Variants in LTA4H observed in about 807,000 individuals in gnomAD.
LTA4H encodes leukotriene A4 hydrolase, also known as leukotriene A-4 hydrolase.
A neutral mutation model predicts 89.8 loss-of-function variants in LTA4H; 59 were observed. That is an observed-to-expected ratio of 0.66 (90% CI 0.53 to 0.82). The LOEUF (loss-of-function observed/expected upper bound fraction) is 0.82, where lower values mean the gene tolerates loss of function less well. Ranked by LOEUF, LTA4H falls within the 40% of genes least tolerant of loss-of-function variation. LTA4H has a pLI of 0.00. For missense variants in LTA4H, 617 were observed against 727.0 expected (o/e 0.85, Z 1.74); for synonymous variants, 227 against 253.1 (o/e 0.90, Z 0.98).
At chr12:96,032,284 C>A (rs574154718) in intron 1 of LTA4H, among the ~76,000 whole-genome samples, 1 of 152,360 alleles carries the variant, frequency 6.6e-6, no homozygotes, top group Admixed American at 6.5e-5. Flanking sequence ...CTCAACATCA[C>A]AAACTCTAAG....
rs148461813 is a variant in LTA4H, at chr12:96,013,352, C to T, written c.1309-94G>A. ...TAAGTCCTTAGATATATAATTTTGT[C>T]TAATCTGCTATATCAAGATAATTTC... On this transcript the variant is annotated intron_variant, in intron 13 of 18. Coordinates refer to ENST00000228740, the MANE Select transcript of LTA4H (RefSeq NM_000895.3). The T allele has an allele frequency of 1.4e-3, 979 of 701,608 alleles. 3 individuals are homozygous for T. In the African/African-American group the frequency reaches 0.014, roughly 10 times the overall value. 43.5% of individuals were successfully genotyped at this position (701,608 alleles called of 1,614,324 possible).
chr12:96,041,136 T>A (rs1950683509), intron 1 of LTA4H, among the ~76,000 whole-genome samples: 3 of 152,004 alleles, frequency 2.0e-5, no homozygotes, highest in Non-Finnish European at 4.4e-5. Flanking sequence ...CTTTGGCAAA[T>A]TTTTTTTAAA....
chr12:96,015,108 T>A, intron 11 of LTA4H, 109 bp from the exon 12 acceptor site: 1 of 991,400 alleles, frequency 1.0e-6, no homozygotes, highest in Non-Finnish European at 1.5e-6. Context: ...TTTAGGGGAA[T>A]CTAAAACTTG....
rs957778519 is a variant in LTA4H, at chr12:96,028,581, GTTACTGTAAGGAT to G, written c.290+461_290+473del. On this transcript the variant is annotated intron_variant, in intron 2 of 18. Coordinates refer to ENST00000228740, the MANE Select transcript of LTA4H (RefSeq NM_000895.3). ...TTTAAGTGTAGATTATACCAGCAGG[GTTACTGTAAGGAT>G]TAGATACAAGAATGCATTTAAAGCA... Among the ~76,000 whole-genome samples the G allele has an allele frequency of 9.2e-5, 14 of 152,106 alleles. 1 individual carries two copies. Among genetic ancestry groups the G allele is most frequent in the Admixed American group, 6.5e-4 (10 of 15,276 alleles).
upstream of LTA4H, among the ~76,000 whole-genome samples, chr12:96,037,624 A>G (rs1209376750): frequency 6.6e-6 from 1 of 151,988 alleles, no homozygotes; most frequent in East Asian, 1.9e-4. Context: ...AACCACTGTC[A>G]AGTTGCTTGG....
At chr12:96,005,846 C>G (rs1416352681) in intron 16 of LTA4H, among the ~76,000 whole-genome samples, 1 of 152,030 alleles carries the variant, frequency 6.6e-6, no homozygotes, top group Non-Finnish European at 1.5e-5. Context: ...CCTCCCAGTC[C>G]AAGTGATTCT....
chr12:96,014,858 G>A lies in LTA4H; in HGVS notation c.1201C>T (p.Pro401Ser). Reference sequence around the variant, plus strand: ...TCATAAAATACCAACTACTTACCTGGTCCTCCAAGCAGTTGTTCAAGGTAA... The same window carrying A: ...TCATAAAATACCAACTACTTACCTGATCCTCCAAGCAGTTGTTCAAGGTAA... ...LFYLEQLLGG[P>S]EIFLGFLKAY... is the part of the protein sequence containing the mutation. Residue 401 changes from proline to serine, a missense_variant, in exon 12 of 19, where the codon CCA becomes TCA. Coordinates refer to ENST00000228740, the MANE Select transcript of LTA4H (RefSeq NM_000895.3). 6.2e-7 allele frequency: 1 copy of A among 1,603,760 alleles called. No individual in the cohort carries two copies. The highest frequency in any genetic ancestry group is 8.5e-7 in the Non-Finnish European group (1 of 1,176,974).
chr12:96,016,770 G>A (rs755895890), intron 10 of LTA4H, among the ~76,000 whole-genome samples: 24 of 151,600 alleles, frequency 1.6e-4, no homozygotes, highest in Non-Finnish European at 2.7e-4. Context: ...GCGTGGTGGC[G>A]CATGCCTGTA....
chr12:96,036,279 G>C (rs1350745335), upstream of LTA4H, among the ~76,000 whole-genome samples: 1 of 152,212 alleles, frequency 6.6e-6, no homozygotes, highest in Admixed American at 6.5e-5. Flanking sequence ...TGGGAGTACA[G>C]AGCTGGGACA....
chr12:96,018,533 G>GCA (rs1032572212), intron 8 of LTA4H, among the ~76,000 whole-genome samples: 4 of 147,996 alleles, frequency 2.7e-5, no homozygotes, highest in African/African-American at 9.7e-5. Flanking sequence ...GGGCAACAGA[G>GCA]CAAGCCTGTG....
rs575108537 is a variant in LTA4H at position 96,043,429 on chromosome 12, C to T, written c.-54G>A. 132 of 1,081,258 alleles carry T rather than the reference C, an allele frequency of 1.2e-4. 3 individuals are homozygous for T. The Admixed American group carries it at 1.5e-3, about 13-fold the overall frequency. The allele number at this position is 1,081,258 out of a possible 1,614,324, so 67.0% of individuals were successfully genotyped here. ...GGAGGAGAGAAAATAAACTCCCAAG[C>T]CCATGCATCCTCTTGCCCTCTTCCC... is the stretch of plus-strand genomic sequence containing the variant. On this transcript the variant is annotated 5_prime_UTR_variant, in exon 1 of 18. Coordinates refer to the LTA4H transcript ENST00000413268.
chr12:96,031,185 A>AT (rs1313323478), intron 1 of LTA4H, among the ~76,000 whole-genome samples: 1 of 152,284 alleles, frequency 6.6e-6, no homozygotes, highest in East Asian at 1.9e-4. Flanking sequence ...ACTGTACTGC[A>AT]TTATAATGAT....
At position 96,021,034 on chromosome 12, in the gene LTA4H, T is replaced by C; in HGVS notation, c.638+51A>G. On this transcript the variant is annotated intron_variant, in intron 6 of 18. Transcript: ENST00000228740. ...AATTAACCTTGAGAGAAGTTCAAGA[T>C]GCCTAAGTTTTGATCTTTCCACAAA... 3.4e-6 allele frequency: 5 copies of C among 1,466,212 alleles called. No homozygotes were observed. In the African/African-American group the frequency reaches 4.3e-5, roughly 13 times the overall value. The allele number at this position is 1,466,212 out of a possible 1,614,324, so 90.8% of individuals were successfully genotyped here.
At chr12:96,013,384 T>C in intron 13 of LTA4H, 126 bp from the exon 14 acceptor site, 1 of 603,854 alleles carries the variant, frequency 1.7e-6, no homozygotes, top group Non-Finnish European at 2.9e-6. Context: ...TTTCTAAATC[T>C]TTTTTAAAAA....
intron 1 of LTA4H, among the ~76,000 whole-genome samples, chr12:96,033,530 T>C (rs1950599453): frequency 6.6e-6 from 1 of 152,234 alleles, no homozygotes; most frequent in South Asian, 2.1e-4. Context: ...AAACTCATGT[T>C]CAAATATGGC....
At chr12:96,038,117 G>A (rs1251137990), upstream of LTA4H, among the ~76,000 whole-genome samples, 1 of 152,210 alleles carries the variant, frequency 6.6e-6, no homozygotes, top group Non-Finnish European at 1.5e-5. Context: ...GAGGCAAAAA[G>A]GTAGAGAAGA....
chr12:96,015,410 T>C (rs957676676), intron 11 of LTA4H, among the ~76,000 whole-genome samples, 173 bp downstream of exon 11: 9 of 152,240 alleles, frequency 5.9e-5, no homozygotes, highest in South Asian at 2.1e-4. Flanking sequence ...CTACCTTACA[T>C]AGAACAGTGA....
intron 14 of LTA4H, chr12:96,009,433 C>T (rs1050874167): frequency 2.6e-6 from 1 of 379,568 alleles, no homozygotes; most frequent in South Asian, 3.1e-5. Flanking sequence ...GTAGTATATG[C>T]TAAAGTAGTT....
intron 10 of LTA4H, 26 bp from the exon 11 acceptor site, chr12:96,015,720 A>G (rs751834873): frequency 7.6e-7 from 1 of 1,319,328 alleles, no homozygotes; most frequent in Non-Finnish European, 1.1e-6. Flanking sequence ...TTTAATAAAA[A>G]CACGGACACA....
Sources: gnomAD v4.1 joint callset for allele counts (sites outside exome capture counted in the v4.1 genomes callset) on GRCh38, gnomAD v4.1.1 for gene constraint, MANE v1.5 for transcripts, NCBI Gene and HGNC (gene_info 2026-07-23, HGNC 2026-07-21) for gene names.